PSMC2: variants seen among roughly 807,000 people sequenced by gnomAD.
The protein encoded by PSMC2 is 26S proteasome regulatory subunit 7.
PSMC2 carries 7 observed loss-of-function variants against 53.3 expected under a neutral mutation model. The ratio of observed to expected loss-of-function variants is 0.13; its 90% CI spans 0.07 to 0.25. PSMC2 has a LOEUF of 0.25. Among genes scored for constraint, PSMC2 ranks in the 10% least tolerant of loss-of-function variants. PSMC2 has a pLI of 1.00. For synonymous variants in PSMC2, 169 were observed against 183.9 expected, an observed-to-expected ratio of 0.92 and a Z score of 0.66; for missense variants, 241 against 544.0, an observed-to-expected ratio of 0.44 and a Z score of 5.54.
rs771360478 is a variant in PSMC2, at chr7:103,363,337, C to T, written c.496-7C>T. 2.5e-6 allele frequency: 4 copies of T among 1,607,010 alleles called. No individual in the cohort carries two copies. Among genetic ancestry groups the T allele is most frequent in the Admixed American group, 1.7e-5 (1 of 60,012 alleles). ...CTGTATGTTGTACATTTCTGTCCCT[C>T]TCTTAGGTGGAAGAGAAACCTGATG... On this transcript the variant is annotated splice_polypyrimidine_tract_variant and splice_region_variant and intron_variant, in intron 6 of 11. Transcript: ENST00000292644.
rs1032732249 is a variant in PSMC2, at chr7:103,365,983, G to C, written c.757-93G>C. The C allele has an allele frequency of 4.0e-6, 4 of 988,724 alleles. No homozygotes were observed. The African/African-American group carries it at 5.0e-5, about 12-fold the overall frequency. The allele number at this position is 988,724 out of a possible 1,614,324, so 61.2% of individuals were successfully genotyped here. A position where few individuals can be genotyped will look rare whatever the true frequency, so the allele number is the denominator to read the frequency against. On this transcript the variant is annotated intron_variant, in intron 8 of 11. Coordinates refer to ENST00000292644, the MANE Select transcript of PSMC2 (RefSeq NM_002803.4). ...TAATAATGGGTGAGAATACTGTTAG[G>C]AATAAATATTGAAAAGTTTGAAGCA...
At chr7:103,348,554 T>C in intron 1 of PSMC2, 2 of 769,464 alleles carry the variant, frequency 2.6e-6, no homozygotes, top group Non-Finnish European at 4.7e-6. Context: ...TTTGTTGCTG[T>C]TATAAAACAA....
chr7:103,352,463 G>A (rs1462410165), intron 1 of PSMC2, among the ~76,000 whole-genome samples: 4 of 142,410 alleles, frequency 2.8e-5, no homozygotes, highest in African/African-American at 1.1e-4. Flanking sequence ...AGGTGGAAGT[G>A]CAGTGGCACA....
At chr7:103,352,064 A>G (rs1459285834) in intron 1 of PSMC2, among the ~76,000 whole-genome samples, 1 of 151,796 alleles carries the variant, frequency 6.6e-6, no homozygotes, top group African/African-American at 2.4e-5. Context: ...TGATTACCTC[A>G]TTCTAGAATT....
chr7:103,354,288 A>G (rs1279309699), intron 2 of PSMC2, among the ~76,000 whole-genome samples: 1 of 152,168 alleles, frequency 6.6e-6, no homozygotes, highest in African/African-American at 2.4e-5. Flanking sequence ...TACTATATTT[A>G]ACAAGTATTA....
intron 7 of PSMC2, 85 bp from the exon 8 acceptor site, chr7:103,364,058 A>G: frequency 7.6e-7 from 1 of 1,308,856 alleles, no homozygotes; most frequent in Non-Finnish European, 1.1e-6. Flanking sequence ...AAAATACTAA[A>G]CATAAAAGCA....
At chr7:103,361,271 G>T (rs1820380407) in intron 4 of PSMC2, among the ~76,000 whole-genome samples, 1 of 151,544 alleles carries the variant, frequency 6.6e-6, no homozygotes, top group Non-Finnish European at 1.5e-5. Context: ...ATCACCTGAG[G>T]TTGGGATTTC....
At chr7:103,358,417 G>A (rs113712432) in intron 4 of PSMC2, among the ~76,000 whole-genome samples, 3 of 152,140 alleles carry the variant, frequency 2.0e-5, no homozygotes, top group African/African-American at 7.2e-5. Flanking sequence ...CGTTTTCTTG[G>A]ACCCTTATTC....
Position 103,363,505 on chromosome 7 carries a change from A to C in PSMC2, c.591+66A>C, listed in dbSNP as rs1454995342. 2.9e-6 allele frequency: 4 copies of C among 1,392,800 alleles called. No homozygotes were observed. The African/African-American group carries it at 5.7e-5, about 20-fold the overall frequency. The allele number at this position is 1,392,800 out of a possible 1,614,324, so 86.3% of individuals were successfully genotyped here. ...GATGTCTTTTGTGTATTGAGCACTA[A>C]AATTGCTTGTATATTAGATGGCTTT... On this transcript the variant is annotated intron_variant, in intron 7 of 11. Transcript: ENST00000292644.
chr7:103,354,057 C>A (rs1819884706), intron 2 of PSMC2, 99 bp downstream of exon 2: 75 of 925,394 alleles, frequency 8.1e-5, no homozygotes, highest in South Asian at 3.0e-4. Flanking sequence ...AGTTAAGAAA[C>A]CAAAAATTAA....
At chr7:103,362,321 A>G in intron 5 of PSMC2, 1 of 1,372,494 alleles carries the variant, frequency 7.3e-7, no homozygotes, top group Non-Finnish European at 9.4e-7. Context: ...TTCAAATTTC[A>G]GAGTTGAGGT....
In PSMC2 at chr7:103,350,241, C is replaced by CT. The variant is rs201972654; in HGVS notation, c.70+2461dup. On this transcript the variant is annotated intron_variant, in intron 1 of 11. Coordinates refer to ENST00000292644, the MANE Select transcript of PSMC2 (RefSeq NM_002803.4). ...CATTTTCTTTTTTTTCTTTCACGGCCTGAAAGTGGCAGAAAGGACAGGCTT... is the reference window on the plus strand; with the variant it reads ...CATTTTCTTTTTTTTCTTTCACGGCCTTGAAAGTGGCAGAAAGGACAGGCTT... Among the ~76,000 whole-genome samples, 573 of 152,162 alleles carry CT rather than the reference C, an allele frequency of 3.8e-3. 4 individuals are homozygous for CT. Among genetic ancestry groups the CT allele is most frequent in the African/African-American group, 0.014 (564 of 41,494 alleles).
intron 4 of PSMC2, among the ~76,000 whole-genome samples, chr7:103,357,864 T>G (rs555391470): frequency 6.2e-4 from 94 of 152,360 alleles, no homozygotes; most frequent in African/African-American, 2.0e-3. Flanking sequence ...GCATTAGATC[T>G]GTTCGTTTTC....
At chr7:103,351,517 A>C (rs984529117) in intron 1 of PSMC2, among the ~76,000 whole-genome samples, 1 of 152,306 alleles carries the variant, frequency 6.6e-6, no homozygotes, top group Non-Finnish European at 1.5e-5. Context: ...AACATACCAA[A>C]ATTCTAGACT....
intron 4 of PSMC2, among the ~76,000 whole-genome samples, chr7:103,356,006 A>G (rs1009369716): frequency 1.3e-5 from 2 of 152,264 alleles, no homozygotes; most frequent in Non-Finnish European, 2.9e-5. Flanking sequence ...TTTAAATGAT[A>G]TAAAAAGATG....
intron 1 of PSMC2, among the ~76,000 whole-genome samples, chr7:103,349,528 A>C (rs1819680929): frequency 6.6e-6 from 1 of 151,886 alleles, no homozygotes; most frequent in African/African-American, 2.4e-5. Context: ...AGCTCACTGC[A>C]ATCGCTGCCT....
At chr7:103,347,898 C>A in intron 1 of PSMC2, 117 bp downstream of exon 1, 1 of 1,142,598 alleles carries the variant, frequency 8.8e-7, no homozygotes, top group Non-Finnish European at 1.3e-6. Flanking sequence ...TTTTGTGCCC[C>A]TAGTAATTTA....
At position 103,368,350 on chromosome 7, in the gene PSMC2, C is replaced by A. The variant is rs190686105; in HGVS notation, c.*296C>A. ...TGGCCGGGTGCTCTACATATAAATTCTCATTGTATCCTCCCATCTGTCCAC... is the reference window on the plus strand; with the variant it reads ...TGGCCGGGTGCTCTACATATAAATTATCATTGTATCCTCCCATCTGTCCAC... On this transcript the variant is annotated 3_prime_UTR_variant, in exon 12 of 12. Transcript: ENST00000292644. The A allele has an allele frequency of 4.6e-4, 101 of 220,350 alleles. 1 individual carries two copies. Among genetic ancestry groups the A allele is most frequent in the African/African-American group, 2.2e-3 (96 of 43,934 alleles). 13.6% of individuals were successfully genotyped at this position (220,350 alleles called of 1,614,324 possible).
At chr7:103,358,021 A>T (rs1312907296) in intron 4 of PSMC2, among the ~76,000 whole-genome samples, 1 of 152,046 alleles carries the variant, frequency 6.6e-6, no homozygotes, top group African/African-American at 2.4e-5. Context: ...TCTACCCTGG[A>T]GATTGCCCTT....
Sources: allele counts gnomAD v4.1 joint callset (sites outside exome capture counted in the v4.1 genomes callset), GRCh38; gene constraint gnomAD v4.1.1; transcripts MANE v1.5; gene names NCBI Gene and HGNC (gene_info 2026-07-23, HGNC 2026-07-21).